The following HECW1 variants were observed in gnomAD, a reference collection of about 807,000 sequenced individuals.
HECW1 encodes the protein HECT, C2 and WW domain containing E3 ubiquitin protein ligase 1, also known as E3 ubiquitin-protein ligase HECW1.
A neutral mutation model predicts 182.3 loss-of-function variants in HECW1; 61 were observed. That is an observed-to-expected ratio of 0.33 (90% confidence interval 0.27 to 0.41). HECW1 has a LOEUF of 0.41. Among genes scored for constraint, HECW1 ranks in the 10% least tolerant of loss-of-function variants. The probability of loss-of-function intolerance (pLI) is 1.00; values close to 1 mark genes in which losing one functional copy is unlikely to be tolerated. For missense variants in HECW1, 1,739 were observed against 2,108.9 expected, an observed-to-expected ratio of 0.82 and a Z score of 3.44; for synonymous variants, 859 against 832.6, an observed-to-expected ratio of 1.03 and a Z score of -0.55.
chr7:43,317,829 GTGT>G (rs1809536525), intron 4 of HECW1, among the ~76,000 whole-genome samples: 3 of 151,730 alleles, frequency 2.0e-5, no homozygotes, highest in Admixed American at 2.0e-4. Context: ...GTGTGTGTGT[GTGT>G]GTGTGTGTGT....
chr7:43,215,083 A>T (rs934188083), intron 2 of HECW1, among the ~76,000 whole-genome samples: 2 of 152,210 alleles, frequency 1.3e-5, no homozygotes, highest in Non-Finnish European at 2.9e-5. Flanking sequence ...TCCTGATTTT[A>T]AAAAATGTAA....
chr7:43,514,168 A>G (rs2080017605), intron 24 of HECW1, among the ~76,000 whole-genome samples: 1 of 152,200 alleles, frequency 6.6e-6, no homozygotes, highest in African/African-American at 2.4e-5. Context: ...AATTACCACA[A>G]GAGCCTCTAC....
At chr7:43,496,667 G>A (rs953022591) in intron 19 of HECW1, among the ~76,000 whole-genome samples, 48 of 152,192 alleles carry the variant, frequency 3.2e-4, no homozygotes, top group African/African-American at 1.1e-3. Flanking sequence ...CCCCTGTTCA[G>A]CCATTGCTAT....
intron 24 of HECW1, among the ~76,000 whole-genome samples, chr7:43,539,443 CT>C (rs1490160532): frequency 1.3e-5 from 2 of 152,188 alleles, no homozygotes; most frequent in Non-Finnish European, 2.9e-5. Flanking sequence ...CTACTTGGCA[CT>C]GTGGTTATCG....
intron 2 of HECW1, among the ~76,000 whole-genome samples, chr7:43,206,364 G>A (rs766096749): frequency 1.3e-5 from 2 of 152,134 alleles, no homozygotes; most frequent in South Asian, 2.1e-4. Context: ...AATGGAATGC[G>A]AAGGTAAGGG....
At chr7:43,292,709 C>T (rs953136588) in intron 3 of HECW1, among the ~76,000 whole-genome samples, 9 of 152,052 alleles carry the variant, frequency 5.9e-5, no homozygotes, top group African/African-American at 9.7e-5. Context: ...ACCCAGCACC[C>T]GGGGCTCTTC....
At chr7:43,480,242 C>G (rs180848887) in intron 17 of HECW1, among the ~76,000 whole-genome samples, 62 of 152,330 alleles carry the variant, frequency 4.1e-4, no homozygotes, top group African/African-American at 1.4e-3. Context: ...CTACAATGTG[C>G]TCTTTCCTTG....
At chr7:43,532,375 A>G (rs550246709) in intron 24 of HECW1, among the ~76,000 whole-genome samples, 1 of 152,014 alleles carries the variant, frequency 6.6e-6, no homozygotes, top group African/African-American at 2.4e-5. Flanking sequence ...CTCTCCATGC[A>G]TCATCCAGAG....
chr7:43,335,194 C>T (rs1811967008), intron 5 of HECW1, among the ~76,000 whole-genome samples: 1 of 152,122 alleles, frequency 6.6e-6, no homozygotes, highest in South Asian at 2.1e-4. Context: ...TCAAAATAAT[C>T]CACAATCAGG....
chr7:43,286,522 T>C (rs191229769), intron 3 of HECW1, among the ~76,000 whole-genome samples: 1 of 152,320 alleles, frequency 6.6e-6, no homozygotes, highest in East Asian at 1.9e-4. Flanking sequence ...ATAGTAAATA[T>C]TTAAAGGAAT....
intron 15 of HECW1, among the ~76,000 whole-genome samples, chr7:43,467,683 C>G (rs1370503754): frequency 1.3e-5 from 2 of 152,090 alleles, no homozygotes; most frequent in Non-Finnish European, 2.9e-5. Context: ...GGGGTGGGAG[C>G]ATGGCAAGGA....
intron 8 of HECW1, among the ~76,000 whole-genome samples, chr7:43,429,167 T>C (rs1030825170): frequency 6.7e-6 from 1 of 149,908 alleles, no homozygotes; most frequent in South Asian, 2.1e-4. Context: ...ATCAATATTA[T>C]TCTGTTTTGT....
intron 2 of HECW1, among the ~76,000 whole-genome samples, chr7:43,179,554 TTTG>T (rs35378292): frequency 8.4e-4 from 124 of 148,200 alleles, no homozygotes; most frequent in African/African-American, 1.5e-3. Flanking sequence ...ATTTGCTAAG[TTTG>T]TTGTTGTTGT....
At chr7:43,490,532 G>T (rs1240901791) in intron 17 of HECW1, among the ~76,000 whole-genome samples, 4 of 152,182 alleles carry the variant, frequency 2.6e-5, no homozygotes, top group Non-Finnish European at 5.9e-5. Context: ...TATATCTGGT[G>T]AATGTACTGC....
At chr7:43,398,206 G>A (rs1436668274) in intron 7 of HECW1, among the ~76,000 whole-genome samples, 4 of 152,166 alleles carry the variant, frequency 2.6e-5, no homozygotes, top group East Asian at 1.9e-4. Flanking sequence ...GCAGTGAGCC[G>A]AGATTGCACC....
chr7:43,528,097 G>A (rs577381290), intron 24 of HECW1, among the ~76,000 whole-genome samples: 6 of 152,266 alleles, frequency 3.9e-5, no homozygotes, highest in South Asian at 4.1e-4. Context: ...TTGTTCAGTC[G>A]TTTGACCATG....
chr7:43,133,083 T>C (rs1787137114), intron 2 of HECW1, among the ~76,000 whole-genome samples: 1 of 152,130 alleles, frequency 6.6e-6, no homozygotes, highest in Non-Finnish European at 1.5e-5. Flanking sequence ...TTTTTTCCTT[T>C]GACCTAATGA....
intron 3 of HECW1, among the ~76,000 whole-genome samples, chr7:43,261,369 CT>C (rs1801157961): frequency 6.6e-6 from 1 of 152,148 alleles, no homozygotes; most frequent in East Asian, 1.9e-4. Flanking sequence ...AGGGCAGAAC[CT>C]TTTTCCTGAG....
chr7:43,157,758 G>A (rs953215230), intron 2 of HECW1, among the ~76,000 whole-genome samples: 2 of 152,076 alleles, frequency 1.3e-5, no homozygotes, highest in East Asian at 1.9e-4. Context: ...ATGGGGTTTC[G>A]CCGCATTGCC....
Sources: gnomAD v4.1 joint callset for allele counts (sites outside exome capture counted in the v4.1 genomes callset) on GRCh38, gnomAD v4.1.1 for gene constraint, MANE v1.5 for transcripts, NCBI Gene and HGNC (gene_info 2026-07-23, HGNC 2026-07-21) for gene names.